NBEAL1: variants seen among roughly 807,000 people sequenced by gnomAD.
NBEAL1 encodes the protein neurobeachin-like protein 1.
A neutral mutation model predicts 351.3 loss-of-function variants in NBEAL1; 273 were observed. That is an observed-to-expected ratio of 0.78 (90% CI 0.70 to 0.86). The LOEUF (loss-of-function observed/expected upper bound fraction) is 0.86, where lower values mean the gene tolerates loss of function less well. NBEAL1 is among the 40% of genes least tolerant of loss of function. NBEAL1 has a pLI of 0.00. For synonymous variants in NBEAL1, 1,050 were observed against 1,086.4 expected (o/e 0.97, Z 0.66); for missense variants, 2,961 against 3,201.3 (o/e 0.92, Z 1.81).
intron 45 of NBEAL1, among the ~76,000 whole-genome samples, chr2:203,189,959 A>C (rs1355062923): frequency 6.6e-6 from 1 of 151,788 alleles, no homozygotes; most frequent in African/African-American, 2.4e-5. Context: ...AACATAGTGA[A>C]ACCCCGTCTC....
intron 2 of NBEAL1, among the ~76,000 whole-genome samples, chr2:203,024,660 C>T (rs780414176): frequency 5.3e-5 from 8 of 151,782 alleles, no homozygotes; most frequent in Non-Finnish European, 7.4e-5. Flanking sequence ...GCCAGGAGTT[C>T]GAGACTAGCC....
intron 36 of NBEAL1, among the ~76,000 whole-genome samples, chr2:203,163,936 C>A (rs2064049195): frequency 6.6e-6 from 1 of 151,874 alleles, no homozygotes; most frequent in African/African-American, 2.4e-5. Flanking sequence ...CTGTTCAAGT[C>A]TTTTGCCCAT....
At chr2:203,150,996 T>C (rs967949440) in intron 34 of NBEAL1, among the ~76,000 whole-genome samples, 4 of 152,172 alleles carry the variant, frequency 2.6e-5, no homozygotes, top group African/African-American at 4.8e-5. Context: ...ATCAGAGTTA[T>C]TTGGATTAAA....
chr2:203,192,850 G>A (rs1224575979), intron 46 of NBEAL1, among the ~76,000 whole-genome samples: 1 of 151,012 alleles, frequency 6.6e-6, no homozygotes. Flanking sequence ...ATTTATAGAT[G>A]ATACTGTTCT....
intron 47 of NBEAL1, among the ~76,000 whole-genome samples, chr2:203,194,663 A>G (rs1197109734): frequency 6.6e-6 from 1 of 152,182 alleles, no homozygotes; most frequent in South Asian, 2.1e-4. Flanking sequence ...GATATTCTGT[A>G]GATACATATA....
chr2:203,130,523 T>C, intron 25 of NBEAL1, 47 bp downstream of exon 25: 5 of 1,282,384 alleles, frequency 3.9e-6, no homozygotes, highest in Non-Finnish European at 5.0e-6. Flanking sequence ...CGTTTGTGGG[T>C]ATATGAATTT....
At position 203,041,755 on chromosome 2, in the gene NBEAL1, G is replaced by A. The variant is rs753017738; in HGVS notation, c.52-10G>A. ...GCATACTTAATATTATAATGGTTTT[G>A]TTATTTCAGAAAGATCCAGATTACC... On this transcript the variant is annotated splice_polypyrimidine_tract_variant and intron_variant, in intron 2 of 55. Transcript: ENST00000683969. 5.1e-5 allele frequency: 79 copies of A among 1,540,698 alleles called. No homozygotes were observed. In the South Asian group the frequency reaches 6.3e-4, roughly 12 times the overall value.
intron 6 of NBEAL1, among the ~76,000 whole-genome samples, chr2:203,059,154 A>G (rs974415806): frequency 1.3e-5 from 2 of 152,206 alleles, no homozygotes; most frequent in African/African-American, 4.8e-5. Context: ...TGAAGAATTG[A>G]TAACTGAGAG....
intron 31 of NBEAL1, among the ~76,000 whole-genome samples, chr2:203,143,844 A>G (rs1238072773): frequency 1.3e-5 from 2 of 152,146 alleles, no homozygotes; most frequent in African/African-American, 4.8e-5. Context: ...AGATTTGTTT[A>G]CTATCCAATA....
At chr2:203,048,701 C>T (rs1042129053) in intron 3 of NBEAL1, among the ~76,000 whole-genome samples, 3 of 152,242 alleles carry the variant, frequency 2.0e-5, no homozygotes, top group Non-Finnish European at 2.9e-5. Context: ...TGTCTTTAGA[C>T]GTTGAATCCA....
At chr2:203,198,243 G>A (rs1320433358) in intron 48 of NBEAL1, among the ~76,000 whole-genome samples, 1 of 151,492 alleles carries the variant, frequency 6.6e-6, no homozygotes. Context: ...AAACTCCTGA[G>A]CTCAAGTGAT....
At chr2:203,126,207 A>G (rs2062933587) in intron 21 of NBEAL1, 114 bp downstream of exon 21, 4 of 1,074,618 alleles carry the variant, frequency 3.7e-6, no homozygotes, top group Non-Finnish European at 5.2e-6. Flanking sequence ...CTTGAATTAT[A>G]TTAATGGATA....
At chr2:203,124,525 A>G (rs747954024) in intron 19 of NBEAL1, among the ~76,000 whole-genome samples, 5 of 152,232 alleles carry the variant, frequency 3.3e-5, no homozygotes, top group Non-Finnish European at 5.9e-5. Context: ...CTGCTTCACT[A>G]TAGTAACCAT....
chr2:203,058,112 G>A (rs1216502342), intron 6 of NBEAL1, among the ~76,000 whole-genome samples: 1 of 152,078 alleles, frequency 6.6e-6, no homozygotes, highest in African/African-American at 2.4e-5. Flanking sequence ...AAAGTTCTGG[G>A]AGCCACCGTG....
chr2:203,070,601 T>C (rs924654525), intron 7 of NBEAL1, among the ~76,000 whole-genome samples: 1 of 152,188 alleles, frequency 6.6e-6, no homozygotes, highest in African/African-American at 2.4e-5. Flanking sequence ...AGAGGTTTAA[T>C]TGGCTCGTGG....
chr2:203,080,823 TC>T (rs1236599553), intron 8 of NBEAL1, among the ~76,000 whole-genome samples: 1 of 152,196 alleles, frequency 6.6e-6, no homozygotes, highest in African/African-American at 2.4e-5. Context: ...GATCATTATT[TC>T]CCCATTTCTA....
At chr2:203,165,372 T>A (rs1484247605) in intron 36 of NBEAL1, among the ~76,000 whole-genome samples, 1 of 152,242 alleles carries the variant, frequency 6.6e-6, no homozygotes, top group Non-Finnish European at 1.5e-5. Flanking sequence ...TAGTTTTAGT[T>A]ACTCTTGAAA....
intron 6 of NBEAL1, chr2:203,061,910 T>C (rs2061505926): frequency 5.0e-6 from 1 of 201,488 alleles, no homozygotes; most frequent in Admixed American, 5.5e-5. Flanking sequence ...TAAAATCCAT[T>C]ATCACTGTGC....
At chr2:203,133,198 T>C (rs1275910698) in intron 27 of NBEAL1, 52 bp downstream of exon 27, 13 of 739,836 alleles carry the variant, frequency 1.8e-5, no homozygotes, top group Non-Finnish European at 2.7e-5. Context: ...ACCATCATGC[T>C]ATAAATAACT....
Sources: allele counts gnomAD v4.1 joint callset (sites outside exome capture counted in the v4.1 genomes callset), GRCh38; gene constraint gnomAD v4.1.1; transcripts MANE v1.5; gene names NCBI Gene and HGNC (gene_info 2026-07-23, HGNC 2026-07-21).